AGBL4: variants seen among roughly 807,000 people sequenced by gnomAD.
The protein encoded by AGBL4 is AGBL carboxypeptidase 4, also known as cytosolic carboxypeptidase 6.
Under a neutral mutation model 66.4 loss-of-function variants are expected in AGBL4, and 58 were observed. That is an observed-to-expected ratio of 0.87 (90% CI 0.71 to 1.09). The LOEUF is 1.09. AGBL4 is among the 50% of genes least tolerant of loss of function. AGBL4 has a pLI of 0.00. For missense variants in AGBL4, 579 were observed against 631.0 expected, an observed-to-expected ratio of 0.92 and a Z score of 0.88; for synonymous variants, 234 against 222.9, an observed-to-expected ratio of 1.05 and a Z score of -0.44.
chr1:49,968,346 G>T (rs1299512245), intron 1 of AGBL4, among the ~76,000 whole-genome samples: 2 of 152,032 alleles, frequency 1.3e-5, no homozygotes, highest in Non-Finnish European at 2.9e-5. Context: ...CAAATGCAAT[G>T]ATTTTCTGCA....
At chr1:48,692,891 T>C (rs12239909) in intron 6 of AGBL4, among the ~76,000 whole-genome samples, 9,226 of 152,262 alleles carry the variant, frequency 0.061, 899 homozygotes, top group African/African-American at 0.21. Context: ...CTGATACATA[T>C]TGAGTGTTTA....
At chr1:48,977,596 G>A (rs78655916) in intron 5 of AGBL4, among the ~76,000 whole-genome samples, 4,192 of 152,126 alleles carry the variant, frequency 0.028, 168 homozygotes, top group African/African-American at 0.095. Flanking sequence ...GGGTCTGCTT[G>A]ATTAGGAGGT....
intron 3 of AGBL4, among the ~76,000 whole-genome samples, chr1:49,322,973 C>T (rs1319867090): frequency 6.6e-6 from 1 of 152,156 alleles, no homozygotes; most frequent in South Asian, 2.1e-4. Flanking sequence ...TATTGTCCTA[C>T]ATTTTTTAAT....
intron 7 of AGBL4, among the ~76,000 whole-genome samples, chr1:48,659,752 G>A (rs1029219070): frequency 1.3e-5 from 2 of 152,204 alleles, no homozygotes; most frequent in African/African-American, 4.8e-5. Context: ...AAGGATTAGA[G>A]GAACCAGGTA....
At chr1:49,982,854 C>G (rs1659181909) in intron 1 of AGBL4, among the ~76,000 whole-genome samples, 1 of 152,136 alleles carries the variant, frequency 6.6e-6, no homozygotes. Context: ...GCTACCCACT[C>G]CAGGGTCTCC....
chr1:48,926,666 C>T (rs1254710081), intron 5 of AGBL4, among the ~76,000 whole-genome samples: 1 of 152,022 alleles, frequency 6.6e-6, no homozygotes, highest in Non-Finnish European at 1.5e-5. Context: ...AGAGAGGAAA[C>T]TGATATATGT....
intron 3 of AGBL4, among the ~76,000 whole-genome samples, chr1:49,493,716 T>C (rs1397860533): frequency 6.6e-6 from 1 of 152,054 alleles, no homozygotes; most frequent in Non-Finnish European, 1.5e-5. Context: ...ACCAATGTGC[T>C]TCCCAAATCT....
At chr1:49,380,419 C>G (rs1232708941) in intron 3 of AGBL4, among the ~76,000 whole-genome samples, 1 of 152,042 alleles carries the variant, frequency 6.6e-6, no homozygotes, top group Non-Finnish European at 1.5e-5. Context: ...GCCATACTGC[C>G]CAAGATAATT....
chr1:48,658,209 G>A (rs914058077), intron 7 of AGBL4, among the ~76,000 whole-genome samples: 10 of 152,212 alleles, frequency 6.6e-5, no homozygotes, highest in South Asian at 4.1e-4. Flanking sequence ...TCAAAGCAGT[G>A]CTCTTTCCAT....
At chr1:49,917,288 G>A (rs1041291390) in intron 1 of AGBL4, among the ~76,000 whole-genome samples, 1 of 151,344 alleles carries the variant, frequency 6.6e-6, no homozygotes, top group Non-Finnish European at 1.5e-5. Context: ...GACACAGACT[G>A]GCAAATTGGA....
chr1:49,737,533 G>A (rs1457493925), intron 2 of AGBL4, among the ~76,000 whole-genome samples: 1 of 152,132 alleles, frequency 6.6e-6, no homozygotes, highest in African/African-American at 2.4e-5. Context: ...TACTAGAGGT[G>A]GGAGAGAGAG....
intron 3 of AGBL4, among the ~76,000 whole-genome samples, chr1:49,635,017 G>T (rs544108523): frequency 3.9e-5 from 6 of 152,222 alleles, no homozygotes; most frequent in South Asian, 4.1e-4. Context: ...TCCTTTGAGG[G>T]TATCTTATGA....
At chr1:48,717,910 C>A (rs1432081023) in intron 6 of AGBL4, among the ~76,000 whole-genome samples, 2 of 152,104 alleles carry the variant, frequency 1.3e-5, no homozygotes, top group Non-Finnish European at 2.9e-5. Context: ...AATGCTAAGT[C>A]CCAAATACTC....
chr1:49,248,094 T>C (rs1651785048), intron 3 of AGBL4, among the ~76,000 whole-genome samples: 1 of 152,172 alleles, frequency 6.6e-6, no homozygotes, highest in South Asian at 2.1e-4. Flanking sequence ...TTCAAAATTA[T>C]AAGAAAGCAG....
intron 2 of AGBL4, among the ~76,000 whole-genome samples, chr1:49,786,647 T>C (rs1644461828): frequency 6.6e-6 from 1 of 152,206 alleles, no homozygotes; most frequent in Non-Finnish European, 1.5e-5. Flanking sequence ...ATTGTATCTT[T>C]ACCTAAGATG....
intron 5 of AGBL4, among the ~76,000 whole-genome samples, chr1:48,926,257 A>ATTTTG (rs1388340965): frequency 2.0e-5 from 3 of 149,920 alleles, no homozygotes; most frequent in Admixed American, 1.3e-4. Context: ...ATTTTATTTT[A>ATTTTG]TTTTATTTTA....
intron 4 of AGBL4, among the ~76,000 whole-genome samples, chr1:49,122,892 C>T (rs1368525492): frequency 6.6e-6 from 1 of 152,120 alleles, no homozygotes; most frequent in African/African-American, 2.4e-5. Context: ...CTCACTCTGT[C>T]ACCCAGGGTG....
intron 6 of AGBL4, among the ~76,000 whole-genome samples, chr1:48,856,473 T>G (rs1291074830): frequency 6.6e-6 from 1 of 152,204 alleles, no homozygotes; most frequent in Non-Finnish European, 1.5e-5. Context: ...GTATGCAGTT[T>G]TTGAAACAGC....
At chr1:48,769,495 C>T (rs1156942364) in intron 6 of AGBL4, among the ~76,000 whole-genome samples, 1 of 149,534 alleles carries the variant, frequency 6.7e-6, no homozygotes, top group Non-Finnish European at 1.5e-5. Flanking sequence ...GTAAGCCTTT[C>T]ATGCTTAGGT....
Sources: allele counts gnomAD v4.1 joint callset (sites outside exome capture counted in the v4.1 genomes callset), GRCh38; gene constraint gnomAD v4.1.1; transcripts MANE v1.5; gene names NCBI Gene and HGNC (gene_info 2026-07-23, HGNC 2026-07-21).